TENM2: variants seen among roughly 807,000 people sequenced by gnomAD.
The protein encoded by TENM2 is teneurin transmembrane protein 2.
Under a neutral mutation model 245.2 loss-of-function variants are expected in TENM2, and 52 were observed. The observed-to-expected ratio is 0.21, with a 90% CI of 0.17 to 0.27. The LOEUF is 0.27. Ranked by LOEUF, TENM2 falls within the 10% of genes least tolerant of loss-of-function variation. TENM2 has a pLI of 1.00. For missense variants in TENM2, 3,046 were observed against 3,666.8 expected, an observed-to-expected ratio of 0.83 and a Z score of 4.37; for synonymous variants, 1,363 against 1,438.9, an observed-to-expected ratio of 0.95 and a Z score of 1.19.
At chr5:167,836,348 A>G (rs937162808) in intron 2 of TENM2, among the ~76,000 whole-genome samples, 25 of 152,196 alleles carry the variant, frequency 1.6e-4, no homozygotes, top group Admixed American at 4.6e-4. Context: ...GTTTCCGACC[A>G]GGCCCTACCT....
At chr5:168,160,762 G>A (rs571471350) in intron 12 of TENM2, among the ~76,000 whole-genome samples, 2 of 152,152 alleles carry the variant, frequency 1.3e-5, no homozygotes, top group South Asian at 2.1e-4. Context: ...CTTCATGCCT[G>A]TAATCCTAGC....
the TENM2 span, among the ~76,000 whole-genome samples, chr5:167,052,120 T>A: frequency 5.3e-5 from 8 of 152,296 alleles, no homozygotes; most frequent in South Asian, 1.4e-3. Context: ...GTATTTTGCT[T>A]TTTAACTCAA....
At chr5:168,161,287 A>G (rs936846858) in intron 12 of TENM2, among the ~76,000 whole-genome samples, 1 of 152,156 alleles carries the variant, frequency 6.6e-6, no homozygotes, top group African/African-American at 2.4e-5. Context: ...ATAGATGTAG[A>G]AAAAAATGGA....
chr5:167,481,845 T>C (rs952314260), intron 2 of TENM2, among the ~76,000 whole-genome samples: 7 of 152,230 alleles, frequency 4.6e-5, no homozygotes, highest in Non-Finnish European at 1.0e-4. Flanking sequence ...GTATTATATT[T>C]TGAATTTCGC....
chr5:168,110,778 G>C (rs1327238923), intron 9 of TENM2, among the ~76,000 whole-genome samples: 1 of 152,110 alleles, frequency 6.6e-6, no homozygotes, highest in Non-Finnish European at 1.5e-5. Context: ...AATTAATGCT[G>C]TTCAGTCTCA....
At chr5:167,835,704 A>G (rs6859905) in intron 2 of TENM2, among the ~76,000 whole-genome samples, 25,092 of 152,166 alleles carry the variant, frequency 0.16, 3,509 homozygotes, top group East Asian at 0.7. Context: ...TGGAAGCTGC[A>G]TATGAATATA....
intron 9 of TENM2, among the ~76,000 whole-genome samples, chr5:168,115,445 A>T (rs1030086562): frequency 7.9e-5 from 12 of 151,738 alleles, no homozygotes; most frequent in Admixed American, 2.0e-4. Context: ...AAAGAAAAAA[A>T]TTTTATCTAT....
At chr5:167,034,004 T>A in the TENM2 span, among the ~76,000 whole-genome samples, 1 of 152,222 alleles carries the variant, frequency 6.6e-6, no homozygotes, top group Non-Finnish European at 1.5e-5. Context: ...AAACAAGTAT[T>A]TAAAGATATA....
At chr5:167,309,277 G>A (rs536805042) in intron 1 of TENM2, among the ~76,000 whole-genome samples, 3 of 152,244 alleles carry the variant, frequency 2.0e-5, no homozygotes, top group African/African-American at 4.8e-5. Context: ...ATACTGCAAC[G>A]TGGTCCCTGA....
chr5:167,445,798 G>T (rs1005839915), intron 2 of TENM2, among the ~76,000 whole-genome samples: 2 of 152,130 alleles, frequency 1.3e-5, no homozygotes, highest in Admixed American at 1.3e-4. Context: ...TGGTGTAACT[G>T]CCCAAACCGT....
intron 2 of TENM2, among the ~76,000 whole-genome samples, chr5:167,813,200 C>A (rs1231342903): frequency 6.6e-6 from 1 of 151,988 alleles, no homozygotes; most frequent in Non-Finnish European, 1.5e-5. Flanking sequence ...ATGTGTGCAT[C>A]CCAGTTAGTA....
intron 2 of TENM2, among the ~76,000 whole-genome samples, chr5:167,559,414 G>A (rs2127637597): frequency 6.6e-6 from 1 of 152,322 alleles, no homozygotes; most frequent in South Asian, 2.1e-4. Context: ...TGGACTGGGT[G>A]AAGAGGCCAC....
chr5:167,557,710 C>G (rs1487443433), intron 2 of TENM2, among the ~76,000 whole-genome samples: 1 of 151,996 alleles, frequency 6.6e-6, no homozygotes, highest in Non-Finnish European at 1.5e-5. Context: ...ATTAGACAAT[C>G]TCTAGAGACA....
At chr5:167,712,347 A>G (rs529366803) in intron 2 of TENM2, among the ~76,000 whole-genome samples, 2 of 152,354 alleles carry the variant, frequency 1.3e-5, no homozygotes, top group Non-Finnish European at 2.9e-5. Context: ...AATTAAAAGT[A>G]CAAATGTCAA....
At chr5:167,937,324 G>A (rs1452132401) in intron 3 of TENM2, among the ~76,000 whole-genome samples, 11 of 152,166 alleles carry the variant, frequency 7.2e-5, no homozygotes, top group African/African-American at 2.4e-4. Context: ...GAATAAAGCC[G>A]CTACAAATTT....
At chr5:167,648,933 G>A (rs147604237) in intron 2 of TENM2, among the ~76,000 whole-genome samples, 5 of 152,246 alleles carry the variant, frequency 3.3e-5, no homozygotes, top group Non-Finnish European at 5.9e-5. Context: ...CCCTAGTAGC[G>A]GCCCAGATTT....
At chr5:167,087,742 A>T in the TENM2 span, among the ~76,000 whole-genome samples, 1 of 152,290 alleles carries the variant, frequency 6.6e-6, no homozygotes, top group South Asian at 2.1e-4. Context: ...TAGATTTCAA[A>T]TAAAGAGAGC....
At chr5:167,090,541 G>A in the TENM2 span, among the ~76,000 whole-genome samples, 3 of 152,116 alleles carry the variant, frequency 2.0e-5, no homozygotes, top group Non-Finnish European at 2.9e-5. Flanking sequence ...CATCGATGAG[G>A]TATTGTGTGA....
chr5:168,034,640 G>A lies in TENM2; in HGVS notation c.1187-12787G>A, dbSNP rs142982084. ...ACTTTAACTGACCAGGAATGGTGAC[G>A]CATACCTGTAGTCCCAGCTACTTGG... On this transcript the variant is annotated intron_variant, in intron 5 of 28. Coordinates refer to ENST00000518659, the Ensembl canonical transcript of TENM2. 7.8e-3 allele frequency among the ~76,000 whole-genome samples: 1,175 copies of A among 151,496 alleles called. 15 individuals are homozygous for A. Among genetic ancestry groups the A allele is most frequent in the African/African-American group, 0.027 (1,136 of 41,314 alleles).
Sources: gnomAD v4.1 joint callset for allele counts (sites outside exome capture counted in the v4.1 genomes callset) on GRCh38, gnomAD v4.1.1 for gene constraint, MANE v1.5 for transcripts, NCBI Gene and HGNC (gene_info 2026-07-23, HGNC 2026-07-21) for gene names.